Variants in PDE10A observed in about 807,000 individuals in gnomAD.
PDE10A encodes cAMP and cAMP-inhibited cGMP 3',5'-cyclic phosphodiesterase 10A.
PDE10A carries 39 observed loss-of-function variants against 97.7 expected under a neutral mutation model. The observed-to-expected ratio is 0.40, with a 90% CI of 0.31 to 0.52. PDE10A has a LOEUF of 0.52. Ranked by LOEUF, PDE10A falls within the 20% of genes least tolerant of loss-of-function variation. The pLI, the probability that PDE10A is intolerant of heterozygous loss-of-function variation, is 0.56. For synonymous variants in PDE10A, 371 were observed against 376.8 expected, an observed-to-expected ratio of 0.98 and a Z score of 0.18; for missense variants, 731 against 1,047.8, an observed-to-expected ratio of 0.70 and a Z score of 4.17.
chr6:165,961,286 G>GTGC (rs1784353126), intron 1 of PDE10A, among the ~76,000 whole-genome samples: 1 of 152,098 alleles, frequency 6.6e-6, no homozygotes, highest in South Asian at 2.1e-4. Flanking sequence ...TCAAGTCCTC[G>GTGC]TGCTGAGATC....
chr6:165,933,325 A>G (rs1465580673), intron 1 of PDE10A, among the ~76,000 whole-genome samples: 3 of 152,140 alleles, frequency 2.0e-5, no homozygotes, highest in African/African-American at 7.2e-5. Context: ...GGAGAGAGAA[A>G]CTAAAACCTA....
At chr6:165,525,695 A>T (rs1352211771) in intron 2 of PDE10A, among the ~76,000 whole-genome samples, 1 of 152,176 alleles carries the variant, frequency 6.6e-6, no homozygotes, top group African/African-American at 2.4e-5. Context: ...TTTAAATACA[A>T]TGGAAATAAC....
At chr6:165,381,724 G>C (rs1208483142) in intron 17 of PDE10A, among the ~76,000 whole-genome samples, 2 of 145,906 alleles carry the variant, frequency 1.4e-5, no homozygotes, top group East Asian at 4.1e-4. Context: ...CTCGTGATCT[G>C]CCTGCATCGG....
intron 1 of PDE10A, among the ~76,000 whole-genome samples, chr6:165,801,784 A>G (rs992190684): frequency 6.6e-6 from 1 of 152,206 alleles, no homozygotes; most frequent in African/African-American, 2.4e-5. Context: ...CTTATTAAAC[A>G]TCAAAATGAA....
intron 1 of PDE10A, among the ~76,000 whole-genome samples, chr6:165,650,862 C>G (rs1444992234): frequency 6.6e-6 from 1 of 152,092 alleles, no homozygotes; most frequent in African/African-American, 2.4e-5. Context: ...CTCAGCCTCC[C>G]CAGTAGCTGG....
chr6:165,703,129 A>G lies in PDE10A; in HGVS notation c.-614-159561T>C, dbSNP rs77465643. ...GCTGTGTTGCAAAGGCCAGGTTCTC[A>G]GGTTTGTTTGCAGCCTCATAAATAA... On this transcript the variant is annotated intron_variant, in intron 1 of 19. Coordinates refer to the PDE10A transcript ENST00000366882. Among the ~76,000 whole-genome samples, 3 of 152,326 alleles carry G rather than the reference A, an allele frequency of 2.0e-5. No individual in the cohort carries two copies. In the East Asian group the frequency reaches 5.8e-4, roughly 29 times the overall value.
At chr6:165,828,092 G>C (rs1488499308) in intron 1 of PDE10A, among the ~76,000 whole-genome samples, 1 of 152,158 alleles carries the variant, frequency 6.6e-6, no homozygotes. Flanking sequence ...ATTTGCAGAA[G>C]AAAAATGATC....
At chr6:165,792,930 G>A (rs1778698117) in intron 1 of PDE10A, among the ~76,000 whole-genome samples, 1 of 152,182 alleles carries the variant, frequency 6.6e-6, no homozygotes, top group Non-Finnish European at 1.5e-5. Flanking sequence ...TTTCCTGTCT[G>A]GTGGGGTCAA....
At chr6:165,370,724 C>T (rs1201987087) in intron 18 of PDE10A, among the ~76,000 whole-genome samples, 6 of 145,772 alleles carry the variant, frequency 4.1e-5, no homozygotes, top group South Asian at 2.2e-4. Flanking sequence ...CTGCACCAAG[C>T]GGACCTAATA....
intron 1 of PDE10A, chr6:165,939,393 A>G (rs975437038): frequency 2.0e-5 from 3 of 152,262 alleles, no homozygotes; most frequent in Admixed American, 6.5e-5. Flanking sequence ...GCATAGACAC[A>G]TATAACAAAT....
In PDE10A at chr6:165,418,527, A is replaced by T. The variant is rs1788476540; in HGVS notation, c.1796+108T>A. 2 of 1,000,982 alleles carry T rather than the reference A, an allele frequency of 2.0e-6. No homozygotes were observed. The highest frequency in any genetic ancestry group is 1.6e-5 in the African/African-American group (1 of 62,006). The allele number at this position is 1,000,982 out of a possible 1,614,324, so 62.0% of individuals were successfully genotyped here. A position where few individuals can be genotyped will look rare whatever the true frequency, so the allele number is the denominator to read the frequency against. ...CGGGTCCTGGTGGGAATGATATCAC[A>T]GTATGACAAGTATTGTCAGCATACC... On this transcript the variant is annotated intron_variant, in intron 11 of 21. Transcript: ENST00000539869. This position sits in a 1 kb window ranked among gnomAD's most constrained non-coding sequence, Gnocchi z 4.8.
intron 1 of PDE10A, among the ~76,000 whole-genome samples, chr6:165,547,115 A>C (rs1461403741): frequency 6.6e-6 from 1 of 152,184 alleles, no homozygotes; most frequent in Non-Finnish European, 1.5e-5. Flanking sequence ...AGACAAATAC[A>C]GACAACTATT....
rs536843661 is a variant in PDE10A, at chr6:165,804,875, G to C, written c.-615+182654C>G. Among the ~76,000 whole-genome samples the C allele has an allele frequency of 1.4e-3, 210 of 151,814 alleles. 1 individual carries two copies. Among genetic ancestry groups the C allele is most frequent in the African/African-American group, 4.8e-3 (200 of 41,422 alleles). Reference sequence around the variant, plus strand: ...GCTCCCAGCGTGGAGTCACGCGCCAGCGCGCGGAGGGGAGTGGGGCGTGGG... The same window carrying C: ...GCTCCCAGCGTGGAGTCACGCGCCACCGCGCGGAGGGGAGTGGGGCGTGGG... On this transcript the variant is annotated intron_variant, in intron 1 of 19. Transcript: ENST00000366882.
intron 1 of PDE10A, among the ~76,000 whole-genome samples, chr6:165,716,964 G>C (rs1033020564): frequency 3.3e-5 from 5 of 152,112 alleles, no homozygotes; most frequent in Non-Finnish European, 5.9e-5. Flanking sequence ...TTGCAAAATG[G>C]AAACTGTGTC....
rs529501226 is a variant in PDE10A, at chr6:165,793,669, C to T, written c.-615+193860G>A. ...CTGGGGGTCTCCCCACAAAGCCTGT[C>T]GCTGTGACCTTATGGAGTGCCTTGG... On this transcript the variant is annotated intron_variant, in intron 1 of 19. Transcript: ENST00000366882. Among the ~76,000 whole-genome samples, 774 of 152,338 alleles carry T rather than the reference C, an allele frequency of 5.1e-3. 5 individuals are homozygous for T. The highest frequency in any genetic ancestry group is 8.3e-3 in the Non-Finnish European group (565 of 68,034).
intron 2 of PDE10A, among the ~76,000 whole-genome samples, chr6:165,485,467 CAAAA>C (rs534131585): frequency 2.0e-5 from 1 of 50,248 alleles, no homozygotes; most frequent in Non-Finnish European, 4.3e-5. Context: ...GACTCTGTCT[CAAAA>C]AAAAAAAAAA....
intron 2 of PDE10A, among the ~76,000 whole-genome samples, chr6:165,535,683 G>A (rs1453891647): frequency 6.6e-6 from 1 of 151,168 alleles, no homozygotes; most frequent in Non-Finnish European, 1.5e-5. Flanking sequence ...CCATATTTTT[G>A]CTATTGTGAA....
chr6:165,577,208 G>T (rs1785354664), intron 1 of PDE10A, among the ~76,000 whole-genome samples: 1 of 152,160 alleles, frequency 6.6e-6, no homozygotes, highest in African/African-American at 2.4e-5. Context: ...CAGCCAAAAG[G>T]TGCTCTAACT....
Position 165,673,902 on chromosome 6 carries a change from A to G in PDE10A, c.-614-130334T>C, listed in dbSNP as rs1790717923. On this transcript the variant is annotated intron_variant, in intron 1 of 19. Coordinates refer to the PDE10A transcript ENST00000366882. Reference sequence around the variant, plus strand: ...TTTATGAATTTCCAAATAATAAAGAATATTATCAGCCACATTATTAGTTTA... The same window carrying G: ...TTTATGAATTTCCAAATAATAAAGAGTATTATCAGCCACATTATTAGTTTA... 2.0e-5 allele frequency among the ~76,000 whole-genome samples: 3 copies of G among 152,250 alleles called. No homozygotes were observed. The South Asian group carries it at 6.2e-4, about 31-fold the overall frequency.
Sources: allele counts gnomAD v4.1 joint callset (sites outside exome capture counted in the v4.1 genomes callset), GRCh38; gene constraint gnomAD v4.1.1; non-coding constraint Gnocchi (gnomAD v3.1); transcripts MANE v1.5; gene names NCBI Gene and HGNC (gene_info 2026-07-23, HGNC 2026-07-21).